Variants in SLC24A2 observed in about 807,000 individuals in gnomAD.
SLC24A2 encodes the protein solute carrier family 24 member 2, also known as sodium/potassium/calcium exchanger 2.
Under a neutral mutation model 62.0 loss-of-function variants are expected in SLC24A2, and 36 were observed. The ratio of observed to expected loss-of-function variants is 0.58; its 90% CI spans 0.44 to 0.77. The LOEUF (loss-of-function observed/expected upper bound fraction) is 0.77. Ranked by LOEUF, SLC24A2 falls within the 30% of genes least tolerant of loss-of-function variation. The probability of loss-of-function intolerance (pLI) is 0.00; values close to 1 mark genes in which losing one functional copy is unlikely to be tolerated. For missense variants in SLC24A2, 846 were observed against 817.9 expected (o/e 1.03, Z -0.42); for synonymous variants, 358 against 294.0 (o/e 1.22, Z -2.23).
chr9:19,689,297 A>G (rs888907411), intron 2 of SLC24A2, among the ~76,000 whole-genome samples: 11 of 152,148 alleles, frequency 7.2e-5, no homozygotes, highest in African/African-American at 1.9e-4. Flanking sequence ...TAAATCAGCC[A>G]TTTATTCTAC....
chr9:19,923,321 G>A, the SLC24A2 span, among the ~76,000 whole-genome samples: 22 of 152,224 alleles, frequency 1.4e-4, no homozygotes, highest in African/African-American at 3.6e-4. Flanking sequence ...TAGATGACAC[G>A]TTTAACATTG....
At position 19,511,993 on chromosome 9, in the gene SLC24A2, A is replaced by G. The variant is rs1832732653; in HGVS notation, c.*4160T>C. The G allele has an allele frequency of 6.6e-6, 1 of 152,260 alleles. No homozygotes were observed. The highest frequency in any genetic ancestry group is 2.4e-5 in the African/African-American group (1 of 41,458). 9.4% of individuals were successfully genotyped at this position (152,260 alleles called of 1,614,324 possible). ...CGCAGTAATTTCTGCAGAGCATTTA[A>G]TGCAACTTCCATCTTCTTCAGCTCT... On this transcript the variant is annotated 3_prime_UTR_variant, in exon 11 of 11. Coordinates refer to ENST00000341998, the MANE Select transcript of SLC24A2 (RefSeq NM_020344.4).
the SLC24A2 span, among the ~76,000 whole-genome samples, chr9:19,959,957 A>G: frequency 6.6e-6 from 1 of 152,226 alleles, no homozygotes; most frequent in Non-Finnish European, 1.5e-5. Context: ...AACCAATTGG[A>G]TATGCTTTTC....
the SLC24A2 span, among the ~76,000 whole-genome samples, chr9:20,079,488 A>T: frequency 1.3e-5 from 2 of 152,052 alleles, no homozygotes; most frequent in Admixed American, 1.3e-4. Flanking sequence ...TTTCCCACTT[A>T]TTTTTTCCAT....
chr9:19,652,543 T>C (rs1431280199), intron 2 of SLC24A2, among the ~76,000 whole-genome samples: 1 of 152,096 alleles, frequency 6.6e-6, no homozygotes, highest in South Asian at 2.1e-4. Context: ...CACCAAGGAA[T>C]GCAGCTCAAT....
intron 8 of SLC24A2, among the ~76,000 whole-genome samples, chr9:19,536,426 C>T: frequency 8.7e-6 from 1 of 115,566 alleles, no homozygotes; most frequent in Admixed American, 9.8e-5. Context: ...TGTTCAATTC[C>T]CACCTATGAG....
chr9:20,200,885 C>A, the SLC24A2 span, among the ~76,000 whole-genome samples: 1 of 152,180 alleles, frequency 6.6e-6, no homozygotes, highest in Non-Finnish European at 1.5e-5. Flanking sequence ...CTGTGGAGTC[C>A]TATTTGGAGG....
At chr9:19,549,230 C>T (rs2132741989) in intron 8 of SLC24A2, among the ~76,000 whole-genome samples, 1 of 152,346 alleles carries the variant, frequency 6.6e-6, no homozygotes, top group Admixed American at 6.5e-5. Flanking sequence ...AACCTTCCTG[C>T]TTCAGACCTT....
chr9:20,222,266 G>A, the SLC24A2 span, among the ~76,000 whole-genome samples: 6 of 151,422 alleles, frequency 4.0e-5, no homozygotes, highest in East Asian at 7.7e-4. Flanking sequence ...TGTACCAGAA[G>A]AAAGGGAGTC....
the SLC24A2 span, among the ~76,000 whole-genome samples, chr9:20,228,129 T>A: frequency 1.3e-5 from 2 of 152,168 alleles, no homozygotes; most frequent in African/African-American, 4.8e-5. Context: ...CACTTGCATA[T>A]TCCCAGTTTA....
chr9:19,970,750 A>T, the SLC24A2 span, among the ~76,000 whole-genome samples: 1 of 152,182 alleles, frequency 6.6e-6, no homozygotes, highest in African/African-American at 2.4e-5. Context: ...CTCCATTTTC[A>T]GTTAGTAGGA....
At chr9:19,538,672 G>C (rs1466021455) in intron 8 of SLC24A2, among the ~76,000 whole-genome samples, 2 of 129,068 alleles carry the variant, frequency 1.5e-5, no homozygotes, top group Non-Finnish European at 3.2e-5. Context: ...TCTCTTTTTT[G>C]GTTGTGTCTC....
chr9:19,817,550 TA>T, the SLC24A2 span, among the ~76,000 whole-genome samples: 1 of 151,804 alleles, frequency 6.6e-6, no homozygotes, highest in African/African-American at 2.4e-5. Flanking sequence ...ATTAATTTTA[TA>T]ATGGCCATAT....
chr9:19,971,293 T>C, the SLC24A2 span, among the ~76,000 whole-genome samples: 18 of 152,156 alleles, frequency 1.2e-4, no homozygotes, highest in African/African-American at 4.1e-4. Flanking sequence ...GATGCATGAG[T>C]AAAGAATGTT....
At chr9:19,579,014 G>A (rs967092356) in intron 5 of SLC24A2, among the ~76,000 whole-genome samples, 1 of 152,184 alleles carries the variant, frequency 6.6e-6, no homozygotes, top group Admixed American at 6.5e-5. Context: ...TGTGGCTTGG[G>A]CTTCCTAAGG....
chr9:19,869,298 TCTG>T, the SLC24A2 span, among the ~76,000 whole-genome samples: 2 of 152,194 alleles, frequency 1.3e-5, no homozygotes, highest in Admixed American at 1.3e-4. Context: ...GGGACTTATG[TCTG>T]CTATTTGGCC....
intron 2 of SLC24A2, among the ~76,000 whole-genome samples, chr9:19,728,156 G>T (rs1345344761): frequency 6.6e-6 from 1 of 152,152 alleles, no homozygotes; most frequent in Non-Finnish European, 1.5e-5. Context: ...TTTACCCAAG[G>T]CTGTGCCCTT....
At chr9:19,770,406 C>A (rs1564091421) in intron 2 of SLC24A2, among the ~76,000 whole-genome samples, 1 of 151,750 alleles carries the variant, frequency 6.6e-6, no homozygotes, top group Non-Finnish European at 1.5e-5. Flanking sequence ...CATTTTTTTT[C>A]AGGATAGTCA....
chr9:20,010,608 A>G, the SLC24A2 span, among the ~76,000 whole-genome samples: 33 of 152,088 alleles, frequency 2.2e-4, no homozygotes, highest in Admixed American at 1.2e-3. Context: ...TTCAATAGAC[A>G]TTTTCTTTTT....
Sources: gnomAD v4.1 joint callset for allele counts (sites outside exome capture counted in the v4.1 genomes callset) on GRCh38, gnomAD v4.1.1 for gene constraint, MANE v1.5 for transcripts, NCBI Gene and HGNC (gene_info 2026-07-23, HGNC 2026-07-21) for gene names.